The following ATG2B variants were observed in gnomAD, a reference collection of about 807,000 sequenced individuals.
ATG2B encodes autophagy related 2B.
ATG2B carries 121 observed loss-of-function variants against 241.3 expected under a neutral mutation model. The observed-to-expected ratio is 0.50, with a 90% CI of 0.43 to 0.58. The LOEUF (loss-of-function observed/expected upper bound fraction) is 0.58, where lower values mean the gene tolerates loss of function less well. Ranked by LOEUF, ATG2B falls within the 20% of genes least tolerant of loss-of-function variation. The probability of loss-of-function intolerance (pLI) is 0.00; values close to 1 mark genes in which losing one functional copy is unlikely to be tolerated. For synonymous variants in ATG2B, 858 were observed against 876.6 expected, an observed-to-expected ratio of 0.98 and a Z score of 0.37; for missense variants, 2,306 against 2,491.6, an observed-to-expected ratio of 0.93 and a Z score of 1.59.
intron 6 of ATG2B, among the ~76,000 whole-genome samples, chr14:96,339,041 A>G (rs1034441137): frequency 3.3e-5 from 5 of 152,128 alleles, no homozygotes; most frequent in Non-Finnish European, 7.4e-5. Context: ...CAACATCACT[A>G]ATCATCAGGA....
In ATG2B at chr14:96,322,138, C is replaced by T. The variant is rs199620808; in HGVS notation, c.2853G>A (p.Lys951=). The T allele has an allele frequency of 6.4e-7, 1 of 1,555,604 alleles. No individual in the cohort carries two copies. The highest frequency in any genetic ancestry group is 8.6e-7 in the Non-Finnish European group (1 of 1,158,888). The change falls in exon 18 of 42, where the codon AAG becomes AAA. Residue 951 remains lysine (K), a synonymous_variant. Coordinates refer to ENST00000359933, the MANE Select transcript of ATG2B (RefSeq NM_018036.7). The part of the protein sequence containing the change: ...LPNIYVTLPN[K]SFYEKLYNRI... ...TATTATAAAGCTTCTCATAAAAGCTCTTATTAGGTAGTGTTACATAAATAT... is the reference window on the plus strand; with the variant it reads ...TATTATAAAGCTTCTCATAAAAGCTTTTATTAGGTAGTGTTACATAAATAT...
In ATG2B at chr14:96,304,571, G is replaced by T. The variant is rs145906587; in HGVS notation, c.4766C>A (p.Thr1589Lys). 37 of 1,609,166 alleles carry T rather than the reference G, an allele frequency of 2.3e-5. No homozygotes were observed. In the African/African-American group the frequency reaches 4.2e-4, roughly 18 times the overall value. ...ACATACTGTATTACGTCCATGTCTC[G>T]TGGGTGTGTGAGAAGGCGAACTGTG... is the stretch of plus-strand genomic sequence containing the variant. The part of the protein sequence containing the change: ...SPHSSPSHTP[T>K]RHGRNTVCGG... The change falls in exon 32 of 42, where the codon ACG becomes AAG. Residue 1589 changes from threonine to lysine, a missense_variant. This residue lies in a region of ATG2B where 1,927 missense variants were observed against 2,011.2 expected (regional missense o/e 0.96). Transcript: ENST00000359933.
Position 96,306,781 on chromosome 14 carries a change from G to T in ATG2B, c.4439C>A (p.Ala1480Glu). ...ATTCTCAGTGGGCACACCTGTCATT[G>T]CATCACTGATGAAATGGTGAGAGAA... ...ASFSHHFISD[A>E]MTGVPTENDD... Residue 1480 changes from alanine to glutamate, a missense_variant, in exon 30 of 42, where the codon GCA becomes GAA. Transcript: ENST00000359933. 1.9e-6 allele frequency: 3 copies of T among 1,613,902 alleles called. No individual in the cohort carries two copies. In the South Asian group the frequency reaches 3.3e-5, roughly 18 times the overall value.
chr14:96,323,963 T>C lies in ATG2B; in HGVS notation c.2473A>G (p.Lys825Glu). Reference protein sequence around the residue: ...FQEEKGDPSIKFFHVSSGVDG... With the variant: ...FQEEKGDPSIEFFHVSSGVDG... Reference sequence around the variant, plus strand: ...ACTCCACTAGACACATGGAAAAACTTAATAGATGGATCTCCTTTCTCTTCC... The same window carrying C: ...ACTCCACTAGACACATGGAAAAACTCAATAGATGGATCTCCTTTCTCTTCC... The change falls in exon 16 of 42, where the codon AAG (lysine) becomes GAG (glutamate). Residue 825 changes from lysine to glutamate, a missense_variant. By Grantham distance (56) the Lys-to-Glu change is moderately conservative. Transcript: ENST00000359933. 1 of 1,610,078 alleles carries C rather than the reference T, an allele frequency of 6.2e-7. No individual in the cohort carries two copies. Among genetic ancestry groups the C allele is most frequent in the Non-Finnish European group, 8.5e-7 (1 of 1,178,738 alleles).
At chr14:96,292,007 T>C (rs770173238) in intron 37 of ATG2B, 22 bp downstream of exon 37, 9 of 1,505,424 alleles carry the variant, frequency 6.0e-6, no homozygotes, top group South Asian at 3.8e-5. Flanking sequence ...TTTTGTGGAG[T>C]ATATTTGTAG....
intron 6 of ATG2B, among the ~76,000 whole-genome samples, chr14:96,341,177 G>C (rs970003152): frequency 6.6e-6 from 1 of 152,034 alleles, no homozygotes; most frequent in Non-Finnish European, 1.5e-5. Flanking sequence ...TATGAAAATA[G>C]AAAGAATTTT....
intron 34 of ATG2B, among the ~76,000 whole-genome samples, chr14:96,296,553 A>C (rs947008176): frequency 9.2e-5 from 14 of 152,026 alleles, no homozygotes; most frequent in African/African-American, 3.4e-4. Flanking sequence ...TGAGGTCAGG[A>C]GTTCAAGACC....
rs1188914327 is a variant in ATG2B at position 96,328,656 on chromosome 14, T to C, written c.1974+18A>G. 1.5e-5 allele frequency: 23 copies of C among 1,584,550 alleles called. No individual in the cohort carries two copies. Among genetic ancestry groups the C allele is most frequent in the South Asian group, 5.8e-5 (5 of 85,662 alleles). ...GATTAAAATTTACAGGTGGCAATTATAGAAAAAGATCTCTTACCTGGGGCC... is the reference window on the plus strand; with the variant it reads ...GATTAAAATTTACAGGTGGCAATTACAGAAAAAGATCTCTTACCTGGGGCC... On this transcript the variant is annotated intron_variant, in intron 13 of 41. Coordinates refer to ENST00000359933, the MANE Select transcript of ATG2B (RefSeq NM_018036.7).
chr14:96,345,152 C>A lies in ATG2B; in HGVS notation c.478+81G>T, dbSNP rs538182266. The A allele has an allele frequency of 2.2e-5, 23 of 1,059,726 alleles. No homozygotes were observed. In the South Asian group the frequency reaches 4.0e-4, roughly 18 times the overall value. The allele number at this position is 1,059,726 out of a possible 1,614,324, so 65.6% of individuals were successfully genotyped here. A position where few individuals can be genotyped will look rare whatever the true frequency, so the allele number is the denominator to read the frequency against. On this transcript the variant is annotated intron_variant, in intron 3 of 41. Coordinates refer to ENST00000359933, the MANE Select transcript of ATG2B (RefSeq NM_018036.7). Reference sequence around the variant, plus strand: ...TTAAAAATCCATTCCAATGGATTTGCCTTATACAAAGCTTATTACATGAAG... The same window carrying A: ...TTAAAAATCCATTCCAATGGATTTGACTTATACAAAGCTTATTACATGAAG...
Position 96,315,583 on chromosome 14 carries a change from C to T in ATG2B, c.3362G>A (p.Gly1121Asp). ...HSSSFSLYHK[G>D]IVNGVILPTE... is the part of the protein sequence containing the mutation. ...CGGGAGAATCACTCCATTCACTATG[C>T]CTAGAGATCCACATTGAGGTAAAAA... is the stretch of plus-strand genomic sequence containing the variant. Residue 1121 changes from glycine (G) to aspartate (D), a missense_variant and splice_region_variant, in exon 22 of 42, where the codon GGC becomes GAC. Coordinates refer to ENST00000359933, the MANE Select transcript of ATG2B (RefSeq NM_018036.7). 1 of 1,610,276 alleles carries T rather than the reference C, an allele frequency of 6.2e-7. No individual in the cohort carries two copies.
chr14:96,286,939 G>A (rs903740417), intron 41 of ATG2B, among the ~76,000 whole-genome samples: 3 of 151,948 alleles, frequency 2.0e-5, no homozygotes, highest in South Asian at 2.1e-4. Context: ...TGGCAAAAAC[G>A]TAATACCACA....
chr14:96,305,508 A>G, intron 31 of ATG2B, 81 bp downstream of exon 31: 1 of 954,688 alleles, frequency 1.0e-6, no homozygotes. Flanking sequence ...TTTTCTCTCT[A>G]AAGGGGAAAT....
At chr14:96,316,903 T>C (rs1887328337) in intron 20 of ATG2B, among the ~76,000 whole-genome samples, 1 of 152,190 alleles carries the variant, frequency 6.6e-6, no homozygotes, top group East Asian at 1.9e-4. Flanking sequence ...TGTACTTTGT[T>C]GTCACCCCAG....
chr14:96,304,559 C>A lies in ATG2B; in HGVS notation c.4778G>T (p.Arg1593Leu), dbSNP rs200339616. 4.3e-6 allele frequency: 7 copies of A among 1,611,098 alleles called. No individual in the cohort carries two copies. Among genetic ancestry groups the A allele is most frequent in the Non-Finnish European group, 5.1e-6 (6 of 1,178,992 alleles). The part of the protein sequence containing the change: ...SPSHTPTRHG[R>L]NTVCGGKGRN... The stretch of plus-strand genomic sequence containing the variant: ...TCCTTTTCCCCCACATACTGTATTA[C>A]GTCCATGTCTCGTGGGTGTGTGAGA... The change falls in exon 32 of 42, where the codon CGT (arginine) becomes CTT (leucine). Residue 1593 changes from arginine to leucine, a missense_variant. Physicochemically the swap from Arg to Leu is moderately radical, Grantham distance 102 (BLOSUM62 -2). Around this residue, in one of 2 missense-constraint regions of ATG2B, gnomAD observed 1,927 missense variants for 2,011.2 expected, o/e 0.96. Transcript: ENST00000359933.
rs774110485 is a variant in ATG2B at position 96,315,148 on chromosome 14, T to C, written c.3642+6A>G. ...TAAATTAATACATATATAACAGCTC[T>C]CTTACCTGCTCATGCCAGCTAAGCC... On this transcript the variant is annotated splice_donor_region_variant and intron_variant, in intron 23 of 41. Coordinates refer to ENST00000359933, the MANE Select transcript of ATG2B (RefSeq NM_018036.7). The C allele has an allele frequency of 1.2e-6, 2 of 1,610,940 alleles. No homozygotes were observed. Among genetic ancestry groups the C allele is most frequent in the South Asian group, 1.1e-5 (1 of 90,984 alleles).
rs570891349 is a variant in ATG2B, at chr14:96,297,679, G to A, written c.5140-2119C>T. ...CCCAAAGTGCTGAGATTACAGGCGT[G>A]AGCCACCGCACCCGGCCACTAATCA... On this transcript the variant is annotated intron_variant, in intron 34 of 41. Coordinates refer to ENST00000359933, the MANE Select transcript of ATG2B (RefSeq NM_018036.7). Among the ~76,000 whole-genome samples, 4 of 152,302 alleles carry A rather than the reference G, an allele frequency of 2.6e-5. No individual in the cohort carries two copies. In the East Asian group the frequency reaches 7.7e-4, roughly 29 times the overall value.
In ATG2B at chr14:96,344,742, T is replaced by TTAC; in HGVS notation, c.490_492dup (p.Val164dup). The TTAC allele has an allele frequency of 6.4e-7, 1 of 1,572,818 alleles. No homozygotes were observed. The highest frequency in any genetic ancestry group is 8.7e-7 in the Non-Finnish European group (1 of 1,150,868). On this transcript the variant is annotated inframe_insertion, in exon 4 of 42. Transcript: ENST00000359933. ...AAAACAGTATCTATAAAAGTGACTTTTACTCTTCTTAGTACTAAAGTAAAC... is the reference window on the plus strand; with the variant it reads ...AAAACAGTATCTATAAAAGTGACTTTTACTACTCTTCTTAGTACTAAAGTAAAC...
At chr14:96,329,405 A>G in intron 12 of ATG2B, 79 bp downstream of exon 12, 1 of 1,016,084 alleles carries the variant, frequency 9.8e-7, no homozygotes, top group Non-Finnish European at 1.4e-6. Flanking sequence ...TTTTTAAAGA[A>G]AATCATTGCC....
chr14:96,333,019 G>A (rs530262442), intron 8 of ATG2B, among the ~76,000 whole-genome samples: 27 of 152,172 alleles, frequency 1.8e-4, no homozygotes, highest in South Asian at 1.5e-3. Context: ...TCTGGATACA[G>A]TTATTTCTTT....
Sources: gnomAD v4.1 joint callset for allele counts (sites outside exome capture counted in the v4.1 genomes callset) on GRCh38, gnomAD v4.1.1 for gene constraint, gnomAD v4.1.1 regional missense constraint, MANE v1.5 for transcripts, NCBI Gene and HGNC (gene_info 2026-07-23, HGNC 2026-07-21) for gene names.